PHF8: variants seen among roughly 807,000 people sequenced by gnomAD.
PHF8 encodes the protein PHD finger protein 8.
In PHF8, 9 loss-of-function variants were observed where a neutral mutation model predicts 74.4. The observed-to-expected ratio is 0.12, with a 90% confidence interval of 0.07 to 0.21. PHF8 has a LOEUF of 0.21. PHF8 is among the 10% of genes least tolerant of loss of function. The pLI is 1.00. For missense variants in PHF8, 478 were observed against 816.6 expected, an observed-to-expected ratio of 0.59 and a Z score of 5.05; for synonymous variants, 311 against 316.6, an observed-to-expected ratio of 0.98 and a Z score of 0.19.
intron 18 of PHF8, among the ~76,000 whole-genome samples, chrX:53,965,904 C>T (rs186376761): frequency 0.016 from 1,715 of 108,483 alleles, 16 homozygotes; most frequent in Non-Finnish European, 0.026. Flanking sequence ...GGCCCATTTA[C>T]GGGGGAAAAA....
chrX:54,044,358 G>A lies in PHF8; in HGVS notation c.-689C>T, dbSNP rs1175634805. ...AATAAAGTTTATTCAAAACAATGAG[G>A]AAGTTGAGGCGGAGAGGGGAGGAGA... On this transcript the variant is annotated 5_prime_UTR_variant, in exon 1 of 22. Coordinates refer to ENST00000338154, the MANE Select transcript of PHF8 (RefSeq NM_015107.3). 4 of 750,003 alleles carry A rather than the reference G, an allele frequency of 5.3e-6. No individual in the cohort carries two copies. The highest frequency in any genetic ancestry group is 6.3e-6 in the Non-Finnish European group (4 of 635,509). The allele number at this position is 750,003 out of a possible 1,213,427, so 61.8% of individuals were successfully genotyped here.
intron 18 of PHF8, among the ~76,000 whole-genome samples, chrX:53,973,226 A>G (rs1603307618): frequency 8.9e-6 from 1 of 112,320 alleles, no homozygotes; most frequent in South Asian, 3.7e-4. Flanking sequence ...TGCTGCCCAA[A>G]GTAATTTACA....
intron 19 of PHF8, among the ~76,000 whole-genome samples, chrX:53,946,948 C>T (rs185926766): frequency 3.6e-5 from 4 of 111,844 alleles, no homozygotes; most frequent in African/African-American, 9.7e-5. Context: ...GAAGCCAATA[C>T]GGCAATATAT....
intron 7 of PHF8, among the ~76,000 whole-genome samples, chrX:54,011,937 C>T (rs1368053225): frequency 1.9e-5 from 2 of 106,811 alleles, no homozygotes; most frequent in Non-Finnish European, 1.9e-5. Flanking sequence ...ATTGGTTTAA[C>T]CAGTATTTCA....
intron 13 of PHF8, among the ~76,000 whole-genome samples, chrX:53,993,383 C>T (rs1397317425): frequency 1.8e-5 from 2 of 112,095 alleles, no homozygotes; most frequent in Non-Finnish European, 3.8e-5. Context: ...CTTTCTCACT[C>T]GCCTGTCAGC....
rs2146457520 is a variant in PHF8 at position 54,022,801 on chromosome X, G to T, written c.141C>A (p.Leu47=). The T allele has an allele frequency of 8.3e-7, 1 of 1,200,470 alleles. No homozygotes were observed. Among genetic ancestry groups the T allele is most frequent in the South Asian group, 1.8e-5 (1 of 56,591 alleles). ...AGACTTCACAGTTGGGGCAGTGGTAGAGGTCAATGTCAGCAGCCTTCTCCT... is the reference window on the plus strand; with the variant it reads ...AGACTTCACAGTTGGGGCAGTGGTATAGGTCAATGTCAGCAGCCTTCTCCT... ...VEEEKAADID[L]YHCPNCEVLH... The change falls in exon 3 of 22, where the codon CTC becomes CTA. Residue 47 remains leucine, a synonymous_variant. Coordinates refer to ENST00000338154, the MANE Select transcript of PHF8 (RefSeq NM_015107.3).
At chrX:53,976,034 G>C (rs2149814274) in intron 18 of PHF8, among the ~76,000 whole-genome samples, 1 of 110,815 alleles carries the variant, frequency 9.0e-6, no homozygotes, top group East Asian at 2.8e-4. Flanking sequence ...AAAAAAAAAG[G>C]CTGGGCATGG....
At chrX:54,046,193 A>G (rs2066632763), upstream of PHF8, among the ~76,000 whole-genome samples, 1 of 111,104 alleles carries the variant, frequency 9.0e-6, no homozygotes, top group Non-Finnish European at 1.9e-5. Context: ...ATCCTCTAAA[A>G]GCGCTGGGAT....
intron 1 of PHF8, 42 bp downstream of exon 1, chrX:54,043,720 C>T (rs1454390186): frequency 1.4e-5 from 7 of 498,324 alleles, no homozygotes; most frequent in East Asian, 1.8e-4. Flanking sequence ...CACAGTATAT[C>T]CTAAAACTGA....
chrX:53,952,474 C>T (rs1194391921), intron 19 of PHF8, among the ~76,000 whole-genome samples: 1 of 111,655 alleles, frequency 9.0e-6, no homozygotes, highest in African/African-American at 3.3e-5. Flanking sequence ...AAAGCAATTA[C>T]TATAACCCTG....
chrX:53,954,499 C>CAAAAAAA (rs1180184175), intron 19 of PHF8, among the ~76,000 whole-genome samples: 5 of 13,124 alleles, frequency 3.8e-4, no homozygotes, highest in African/African-American at 7.1e-4. Flanking sequence ...GACTCTGTCT[C>CAAAAAAA]AAAAAAAAAA....
chrX:53,974,022 G>T (rs2065335179), intron 18 of PHF8, among the ~76,000 whole-genome samples: 1 of 111,161 alleles, frequency 9.0e-6, no homozygotes, highest in Non-Finnish European at 1.9e-5. Flanking sequence ...CACTTTGGGG[G>T]GCTGAGGCGG....
chrX:54,037,393 A>G (rs1453443248), intron 2 of PHF8, among the ~76,000 whole-genome samples: 2 of 111,260 alleles, frequency 1.8e-5, no homozygotes, highest in East Asian at 5.6e-4. Context: ...GACTATAAGC[A>G]TGTGCCACCC....
At chrX:53,958,669 G>A (rs1046592236) in intron 19 of PHF8, among the ~76,000 whole-genome samples, 9 of 104,953 alleles carry the variant, frequency 8.6e-5, no homozygotes, top group Non-Finnish European at 1.6e-4. Flanking sequence ...CCAGCTACTC[G>A]GGAGGCTGAG....
At chrX:53,988,671 G>C (rs1454020660) in intron 14 of PHF8, among the ~76,000 whole-genome samples, 1 of 99,505 alleles carries the variant, frequency 1.0e-5, no homozygotes, top group Non-Finnish European at 2.0e-5. Flanking sequence ...ACCCAGGCTG[G>C]AGTTCAATGG....
At position 54,011,197 on chromosome X, in the gene PHF8, T is replaced by C; in HGVS notation, c.871A>G (p.Met291Val). 2 of 1,207,022 alleles carry C rather than the reference T, an allele frequency of 1.7e-6. No individual in the cohort carries two copies. Among genetic ancestry groups the C allele is most frequent in the Non-Finnish European group, 2.2e-6 (2 of 891,246 alleles). Residue 291 changes from methionine (M) to valine (V), a missense_variant, in exon 8 of 22, where the codon ATG (methionine) becomes GTG (valine). Coordinates refer to ENST00000338154, the MANE Select transcript of PHF8 (RefSeq NM_015107.3). ...TTGTCCACCTGGTCCCCAAAGAACA[T>C]CTCATTCTGATTAGAGGAACTGCTC... The part of the protein sequence containing the change: ...CWSSSSNQNE[M>V]FFGDQVDKCY...
intron 19 of PHF8, among the ~76,000 whole-genome samples, chrX:53,949,693 TC>T (rs1384896883): frequency 9.4e-6 from 1 of 106,206 alleles, no homozygotes; most frequent in East Asian, 3.0e-4. Context: ...GCGCCTGTAG[TC>T]CCAGCTACTC....
intron 18 of PHF8, among the ~76,000 whole-genome samples, chrX:53,971,494 C>CA (rs2065289717): frequency 9.0e-6 from 1 of 110,957 alleles, no homozygotes; most frequent in Non-Finnish European, 1.9e-5. Flanking sequence ...CGGAAGGAGA[C>CA]AGAGACACGA....
At chrX:54,045,960 TTA>T (rs2066630684), upstream of PHF8, among the ~76,000 whole-genome samples, 1 of 101,533 alleles carries the variant, frequency 9.8e-6, no homozygotes, top group East Asian at 3.1e-4. Flanking sequence ...TTTTTTTTTT[TTA>T]TGTTTGTTGT....
Sources: gnomAD v4.1 joint callset for allele counts (sites outside exome capture counted in the v4.1 genomes callset) on GRCh38, gnomAD v4.1.1 for gene constraint, MANE v1.5 for transcripts, NCBI Gene and HGNC (gene_info 2026-07-23, HGNC 2026-07-21) for gene names.